SPOCK1: variants seen among roughly 807,000 people sequenced by gnomAD.
SPOCK1 encodes SPARC (osteonectin), cwcv and kazal like domains proteoglycan 1, also known as testican-1.
A neutral mutation model predicts 55.3 loss-of-function variants in SPOCK1; 23 were observed. That is an observed-to-expected ratio of 0.42 (90% CI 0.30 to 0.59). The LOEUF (loss-of-function observed/expected upper bound fraction) is 0.59, where lower values mean the gene tolerates loss of function less well. SPOCK1 is among the 20% of genes least tolerant of loss of function. The pLI is 0.22. For synonymous variants in SPOCK1, 226 were observed against 221.0 expected, an observed-to-expected ratio of 1.02 and a Z score of -0.20; for missense variants, 499 against 552.5, an observed-to-expected ratio of 0.90 and a Z score of 0.97.
chr5:137,205,742 G>C (rs893057630), intron 3 of SPOCK1, among the ~76,000 whole-genome samples: 1 of 152,210 alleles, frequency 6.6e-6, no homozygotes, highest in Admixed American at 6.5e-5. Flanking sequence ...GAGCATCTCT[G>C]TGCCATAATA....
At position 137,108,591 on chromosome 5, in the gene SPOCK1, G is replaced by A. The variant is rs184759569; in HGVS notation, c.474+3844C>T. ...CACTATCCTTGTCTTTTGGGGCTTC[G>A]GTATATCCTACACGGAATATGGGAG... On this transcript the variant is annotated intron_variant, in intron 5 of 10. Transcript: ENST00000394945. 7.0e-4 allele frequency among the ~76,000 whole-genome samples: 106 copies of A among 152,230 alleles called. 1 individual carries two copies. The highest frequency in any genetic ancestry group is 1.1e-3 in the Non-Finnish European group (77 of 68,010).
At chr5:137,397,704 A>G (rs1301996838) in intron 2 of SPOCK1, among the ~76,000 whole-genome samples, 2 of 152,156 alleles carry the variant, frequency 1.3e-5, no homozygotes, top group African/African-American at 4.8e-5. Context: ...TGAGCAAGTC[A>G]CTTACCCTCT....
At chr5:137,295,885 G>C (rs1757469480) in intron 2 of SPOCK1, among the ~76,000 whole-genome samples, 1 of 152,114 alleles carries the variant, frequency 6.6e-6, no homozygotes, top group Non-Finnish European at 1.5e-5. Context: ...AACTCAGTAG[G>C]GGGTGGTTTA....
At chr5:136,983,667 G>A (rs893025621) in intron 9 of SPOCK1, among the ~76,000 whole-genome samples, 1 of 151,058 alleles carries the variant, frequency 6.6e-6, no homozygotes, top group African/African-American at 2.4e-5. Flanking sequence ...TAAGAAGCAG[G>A]TGCTGCTCTA....
chr5:137,024,320 G>GT (rs1554093486), intron 6 of SPOCK1, among the ~76,000 whole-genome samples: 3 of 147,680 alleles, frequency 2.0e-5, no homozygotes, highest in African/African-American at 2.5e-5. Context: ...TTGAAGGGGG[G>GT]GGGGTAGTTA....
intron 2 of SPOCK1, among the ~76,000 whole-genome samples, chr5:137,372,400 C>A (rs1020588597): frequency 6.6e-6 from 1 of 152,172 alleles, no homozygotes; most frequent in Middle Eastern, 3.2e-3. Flanking sequence ...GGATGCAAAC[C>A]CCTTCCTGCA....
Position 137,006,955 on chromosome 5 carries a change from G to A in SPOCK1, c.590-14355C>T, listed in dbSNP as rs567292821. Among the ~76,000 whole-genome samples the A allele has an allele frequency of 5.3e-4, 81 of 152,116 alleles. 2 individuals are homozygous for A. In the South Asian group the frequency reaches 0.013, roughly 25 times the overall value. ...CCTTTTTGGCGTCTATTGAGAAATC[G>A]TGGTTTTTGTCACTGGTTCTGTTTA... On this transcript the variant is annotated intron_variant, in intron 6 of 10. Transcript: ENST00000394945.
intron 3 of SPOCK1, among the ~76,000 whole-genome samples, chr5:137,204,535 C>T (rs1185230176): frequency 6.6e-6 from 1 of 152,058 alleles, no homozygotes; most frequent in Non-Finnish European, 1.5e-5. Context: ...CCTCATTTCT[C>T]TCATTCCCTT....
intron 3 of SPOCK1, among the ~76,000 whole-genome samples, chr5:137,160,578 A>ATATATTATATAT (rs1754519773): frequency 3.6e-4 from 17 of 47,066 alleles, no homozygotes; most frequent in South Asian, 1.7e-3. Flanking sequence ...ATATTATATA[A>ATATATTATATAT]TATATATAAT....
intron 2 of SPOCK1, among the ~76,000 whole-genome samples, chr5:137,402,666 A>T (rs575692873): frequency 6.6e-6 from 1 of 152,374 alleles, no homozygotes; most frequent in Admixed American, 6.5e-5. Flanking sequence ...TGAAAACCAC[A>T]GCCCAGTAAA....
At chr5:136,996,636 GA>G (rs1751044451) in intron 6 of SPOCK1, among the ~76,000 whole-genome samples, 1 of 152,122 alleles carries the variant, frequency 6.6e-6, no homozygotes, top group African/African-American at 2.4e-5. Flanking sequence ...TGGGGACTCA[GA>G]GAACTTTTCT....
chr5:137,458,668 G>A (rs187862973), intron 2 of SPOCK1, among the ~76,000 whole-genome samples: 16 of 151,794 alleles, frequency 1.1e-4, no homozygotes, highest in African/African-American at 2.9e-4. Flanking sequence ...TTGTTTGTTC[G>A]TTTTTTTTAG....
intron 4 of SPOCK1, among the ~76,000 whole-genome samples, chr5:137,132,174 CAA>C (rs762937224): frequency 8.4e-5 from 5 of 59,196 alleles, no homozygotes; most frequent in Admixed American, 2.1e-4. Flanking sequence ...GACTCTGTCT[CAA>C]AAAAAAAAAA....
At chr5:137,279,443 G>A (rs1441381657) in intron 2 of SPOCK1, among the ~76,000 whole-genome samples, 1 of 152,342 alleles carries the variant, frequency 6.6e-6, no homozygotes, top group East Asian at 1.9e-4. Flanking sequence ...AGTTCTTGAA[G>A]GACAGTTTTC....
In SPOCK1 at chr5:137,380,743, C is replaced by G. The variant is rs1422018158; in HGVS notation, c.187-113688G>C. On this transcript the variant is annotated intron_variant, in intron 2 of 10. Coordinates refer to ENST00000394945, the MANE Select transcript of SPOCK1 (RefSeq NM_004598.4). ...CCCCTACAATCTGATCACCTCCCAC[C>G]TGGCCCCTCCTGCAATTCAACATGA... 2.6e-5 allele frequency among the ~76,000 whole-genome samples: 4 copies of G among 152,308 alleles called. No homozygotes were observed. In the East Asian group the frequency reaches 7.7e-4, roughly 29 times the overall value.
At chr5:137,074,829 C>A (rs1049027518) in intron 5 of SPOCK1, among the ~76,000 whole-genome samples, 2 of 152,084 alleles carry the variant, frequency 1.3e-5, no homozygotes, top group African/African-American at 4.8e-5. Flanking sequence ...CTCAGCCTCC[C>A]GAGTAGCTGG....
intron 2 of SPOCK1, among the ~76,000 whole-genome samples, chr5:137,381,025 T>C (rs1751453433): frequency 1.3e-5 from 2 of 151,920 alleles, no homozygotes; most frequent in African/African-American, 2.4e-5. Flanking sequence ...CAAGATATAA[T>C]GGGAGTACAG....
At chr5:136,982,604 C>T (rs1197628780) in intron 9 of SPOCK1, among the ~76,000 whole-genome samples, 2 of 151,380 alleles carry the variant, frequency 1.3e-5, no homozygotes, top group Non-Finnish European at 1.5e-5. Context: ...TTAATCTATA[C>T]AGATTTTTTT....
intron 2 of SPOCK1, among the ~76,000 whole-genome samples, chr5:137,381,710 C>T (rs758143990): frequency 6.6e-6 from 1 of 152,240 alleles, no homozygotes; most frequent in Non-Finnish European, 1.5e-5. Flanking sequence ...CTGCACAGAA[C>T]AGCTGGGCCC....
Sources: gnomAD v4.1 joint callset for allele counts (sites outside exome capture counted in the v4.1 genomes callset) on GRCh38, gnomAD v4.1.1 for gene constraint, MANE v1.5 for transcripts, NCBI Gene and HGNC (gene_info 2026-07-23, HGNC 2026-07-21) for gene names.